Variants in RBBP5 observed in about 807,000 individuals in gnomAD.
The protein encoded by RBBP5 is RB binding protein 5, histone lysine methyltransferase complex subunit.
Under a neutral mutation model 72.2 loss-of-function variants are expected in RBBP5, and 5 were observed. The ratio of observed to expected loss-of-function variants is 0.07; its 90% CI spans 0.04 to 0.15. RBBP5 has a LOEUF of 0.15. RBBP5 is among the 10% of genes least tolerant of loss of function. RBBP5 has a pLI of 1.00. For synonymous variants in RBBP5, 209 were observed against 237.2 expected (o/e 0.88, Z 1.09); for missense variants, 322 against 652.2 (o/e 0.49, Z 5.51).
Position 205,100,052 on chromosome 1 carries a change from C to T in RBBP5, c.765G>A (p.Lys255=). The stretch of plus-strand genomic sequence containing the variant: ...CCCCATCCCCAGAGAAACAACATTT[C>T]TTCCATGGGGTCCTAAAGGACAAGG... The part of the protein sequence containing the change: ...LQDLVNRTPW[K]KCCFSGDGEY... Residue 255 remains lysine, a synonymous_variant, in exon 8 of 14, where the codon AAG becomes AAA. Coordinates refer to ENST00000264515, the MANE Select transcript of RBBP5 (RefSeq NM_005057.4). 1.2e-6 allele frequency: 2 copies of T among 1,614,002 alleles called. No homozygotes were observed. Among genetic ancestry groups the T allele is most frequent in the Non-Finnish European group, 1.7e-6 (2 of 1,179,882 alleles).
At chr1:205,114,720 T>G (rs1173040646) in intron 3 of RBBP5, 69 bp downstream of exon 3, 443 of 1,301,584 alleles carry the variant, frequency 3.4e-4, no homozygotes, top group Non-Finnish European at 4.0e-4. Context: ...ATATCTACAA[T>G]GAGATTTGCA....
At position 205,113,595 on chromosome 1, in the gene RBBP5, T is replaced by C. The variant is rs118050235; in HGVS notation, c.218+1194A>G. 2.1e-3 allele frequency among the ~76,000 whole-genome samples: 313 copies of C among 152,092 alleles called. 6 individuals carry two copies. The East Asian group carries it at 0.04, about 19-fold the overall frequency. ...TTCTAAAATTATATTGTGATGATGG[T>C]TGCACAACTCTGAATATATAAAAAC... On this transcript the variant is annotated intron_variant, in intron 3 of 13. Transcript: ENST00000264515.
chr1:205,096,928 C>A lies in RBBP5; in HGVS notation c.1167-17G>T. Reference sequence around the variant, plus strand: ...TCTTCATCACTATTTGGAGCAGGATCAGACAAGGGATTGGAAAAAAGAGGA... The same window carrying A: ...TCTTCATCACTATTTGGAGCAGGATAAGACAAGGGATTGGAAAAAAGAGGA... On this transcript the variant is annotated splice_polypyrimidine_tract_variant and intron_variant, in intron 11 of 13. Coordinates refer to ENST00000264515, the MANE Select transcript of RBBP5 (RefSeq NM_005057.4). 2 of 1,556,380 alleles carry A rather than the reference C, an allele frequency of 1.3e-6. No individual in the cohort carries two copies. The highest frequency in any genetic ancestry group is 2.5e-5 in the South Asian group (2 of 81,568).
intron 3 of RBBP5, among the ~76,000 whole-genome samples, chr1:205,107,690 A>G (rs1656128370): frequency 6.6e-6 from 1 of 152,254 alleles, no homozygotes; most frequent in African/African-American, 2.4e-5. Context: ...TCACGCCTAT[A>G]ATCCCAGTAC....
chr1:205,094,798 C>T, intron 13 of RBBP5, 75 bp downstream of exon 13: 1 of 1,388,404 alleles, frequency 7.2e-7, no homozygotes. Context: ...AAAAATGTTG[C>T]AGTTAAATGA....
chr1:205,098,969 C>T lies in RBBP5; in HGVS notation c.1096+20G>A. On this transcript the variant is annotated intron_variant, in intron 10 of 13. Coordinates refer to ENST00000264515, the MANE Select transcript of RBBP5 (RefSeq NM_005057.4). ...TCATTTTCCCTTTAGGAAATCCTGT[C>T]TGCAATTTAGAAATAGTACCTGTCT... The T allele has an allele frequency of 7.0e-7, 1 of 1,434,936 alleles. No individual in the cohort carries two copies. Among genetic ancestry groups the T allele is most frequent in the Non-Finnish European group, 9.4e-7 (1 of 1,060,508 alleles). 88.9% of individuals were successfully genotyped at this position (1,434,936 alleles called of 1,614,324 possible).
At chr1:205,121,785 C>G in intron 1 of RBBP5, 70 bp downstream of exon 1, 1 of 1,606,548 alleles carries the variant, frequency 6.2e-7, no homozygotes, top group East Asian at 2.2e-5. Context: ...AGCCTGACTC[C>G]CCTCCCGCCT....
intron 1 of RBBP5, among the ~76,000 whole-genome samples, chr1:205,117,817 T>C (rs748386181): frequency 2.8e-4 from 42 of 151,938 alleles, no homozygotes; most frequent in African/African-American, 4.6e-4. Flanking sequence ...TATCCATATA[T>C]ATATTTATTT....
chr1:205,089,320 C>T (rs78287173), intron 13 of RBBP5, among the ~76,000 whole-genome samples: 11 of 152,264 alleles, frequency 7.2e-5, no homozygotes, highest in African/African-American at 1.2e-4. Context: ...GTGAAATGTT[C>T]GTGAGAGCTA....
chr1:205,091,347 A>G (rs1162416419), intron 13 of RBBP5: 1 of 152,268 alleles, frequency 6.6e-6, no homozygotes, highest in African/African-American at 2.4e-5. Flanking sequence ...ACTAAGAAGC[A>G]TTTGATAGAT....
intron 13 of RBBP5, chr1:205,091,897 C>A (rs1370611224): frequency 6.6e-6 from 1 of 152,154 alleles, no homozygotes; most frequent in African/African-American, 2.4e-5. Flanking sequence ...TTCTTAATAC[C>A]TGGTGGAAAA....
chr1:205,098,237 G>A (rs758811410), intron 10 of RBBP5, among the ~76,000 whole-genome samples: 22 of 152,210 alleles, frequency 1.4e-4, no homozygotes, highest in Admixed American at 7.9e-4. Flanking sequence ...AGGAAATTCA[G>A]TTTAAGCAGT....
chr1:205,102,331 A>G (rs1271699630), intron 5 of RBBP5, among the ~76,000 whole-genome samples: 1 of 152,234 alleles, frequency 6.6e-6, no homozygotes, highest in African/African-American at 2.4e-5. Context: ...CCTTGAGAAG[A>G]AGGAGAAAGA....
At chr1:205,096,512 G>C (rs911146501) in intron 12 of RBBP5, among the ~76,000 whole-genome samples, 170 bp downstream of exon 12, 1 of 152,220 alleles carries the variant, frequency 6.6e-6, no homozygotes, top group Non-Finnish European at 1.5e-5. Flanking sequence ...CATTTTAAGA[G>C]AGAAGTGAAC....
rs183931865 is a variant in RBBP5, at chr1:205,121,102, G to A, written c.19+753C>T. The stretch of plus-strand genomic sequence containing the variant: ...GAAACCTAACCATTAGGAACAGCAA[G>A]TAGTGCAGAAGTCCTTGAAAACCTC... On this transcript the variant is annotated intron_variant, in intron 1 of 13. Coordinates refer to ENST00000264515, the MANE Select transcript of RBBP5 (RefSeq NM_005057.4). Among the ~76,000 whole-genome samples the A allele has an allele frequency of 7.4e-3, 1,133 of 152,334 alleles. 8 individuals carry two copies. Among genetic ancestry groups the A allele is most frequent in the Non-Finnish European group, 0.013 (870 of 68,032 alleles).
At chr1:205,107,946 CAA>C (rs772446580) in intron 3 of RBBP5, among the ~76,000 whole-genome samples, 23 of 100,002 alleles carry the variant, frequency 2.3e-4, no homozygotes, top group African/African-American at 3.8e-4. Context: ...AAATCTGTCT[CAA>C]AAAAAAAAAA....
chr1:205,090,953 GA>G (rs1386472686), intron 13 of RBBP5, among the ~76,000 whole-genome samples: 1 of 152,044 alleles, frequency 6.6e-6, no homozygotes, highest in Admixed American at 6.5e-5. Context: ...AAAAATCACA[GA>G]TTCAGTAAGT....
At position 205,115,846 on chromosome 1, in the gene RBBP5, CTA is replaced by C. The variant is rs769294103; in HGVS notation, c.45+10_45+11del. ...CTATGTTCCTAAAATCACCACAATA[CTA>C]TACTCTTACCTCTGGATAGTTCTGC... On this transcript the variant is annotated intron_variant, in intron 2 of 13. Coordinates refer to ENST00000264515, the MANE Select transcript of RBBP5 (RefSeq NM_005057.4). 6.2e-7 allele frequency: 1 copy of C among 1,603,432 alleles called. No individual in the cohort carries two copies. Among genetic ancestry groups the C allele is most frequent in the Non-Finnish European group, 8.5e-7 (1 of 1,176,330 alleles).
intron 3 of RBBP5, among the ~76,000 whole-genome samples, chr1:205,110,054 G>A (rs1035486331): frequency 1.1e-4 from 16 of 150,456 alleles, no homozygotes; most frequent in African/African-American, 2.4e-4. Flanking sequence ...TTTTTTTTCC[G>A]AGACAGGGTC....
Sources: gnomAD v4.1 joint callset for allele counts (sites outside exome capture counted in the v4.1 genomes callset) on GRCh38, gnomAD v4.1.1 for gene constraint, MANE v1.5 for transcripts, NCBI Gene and HGNC (gene_info 2026-07-23, HGNC 2026-07-21) for gene names.